The following MGAT4C variants were observed in gnomAD, a reference collection of about 807,000 sequenced individuals.
The protein encoded by MGAT4C is alpha-1,3-mannosyl-glycoprotein 4-beta-N-acetylglucosaminyltransferase C.
In MGAT4C, 19 loss-of-function variants were observed where a neutral mutation model predicts 40.1. That is an observed-to-expected ratio of 0.47 (90% CI 0.33 to 0.70). MGAT4C has a LOEUF of 0.70. Among genes scored for constraint, MGAT4C ranks in the 30% least tolerant of loss-of-function variants. The pLI, the probability that MGAT4C is intolerant of heterozygous loss-of-function variation, is 0.02. For missense variants in MGAT4C, 491 were observed against 563.2 expected, an observed-to-expected ratio of 0.87 and a Z score of 1.30; for synonymous variants, 181 against 187.1, an observed-to-expected ratio of 0.97 and a Z score of 0.27.
intron 2 of MGAT4C, among the ~76,000 whole-genome samples, chr12:86,674,711 A>G (rs1203640968): frequency 6.6e-6 from 1 of 152,144 alleles, no homozygotes; most frequent in East Asian, 1.9e-4. Context: ...AAATAAAAAT[A>G]ATAATAATTT....
At chr12:86,510,933 G>A (rs1370322011) in intron 2 of MGAT4C, among the ~76,000 whole-genome samples, 1 of 151,544 alleles carries the variant, frequency 6.6e-6, no homozygotes, top group Non-Finnish European at 1.5e-5. Context: ...ACAGATCAAC[G>A]AGACAGAAAG....
intron 1 of MGAT4C, among the ~76,000 whole-genome samples, chr12:86,252,082 A>G (rs1391020374): frequency 6.6e-6 from 1 of 152,078 alleles, no homozygotes. Flanking sequence ...GAATGTGAAC[A>G]AGCTTCTCTG....
At chr12:86,616,703 CTT>C (rs373091551) in intron 2 of MGAT4C, among the ~76,000 whole-genome samples, 3 of 144,868 alleles carry the variant, frequency 2.1e-5, no homozygotes, top group Non-Finnish European at 1.5e-5. Context: ...AACAGGGTTT[CTT>C]TTTTTTTTTT....
chr12:86,713,124 C>T lies in MGAT4C; in HGVS notation c.-229+14085G>A, dbSNP rs1393562460. Among the ~76,000 whole-genome samples, 5 of 151,678 alleles carry T rather than the reference C, an allele frequency of 3.3e-5. No homozygotes were observed. The South Asian group carries it at 6.2e-4, about 19-fold the overall frequency. On this transcript the variant is annotated intron_variant, in intron 2 of 7. Transcript: ENST00000548651. The stretch of plus-strand genomic sequence containing the variant: ...CATACACACACACACACACACCATG[C>T]TATTTATACAATTACATTAAGGGAT...
intron 2 of MGAT4C, among the ~76,000 whole-genome samples, chr12:86,040,519 C>G (rs1435372037): frequency 6.6e-6 from 1 of 152,190 alleles, no homozygotes; most frequent in African/African-American, 2.4e-5. Context: ...TTCCCCATGG[C>G]TCTGTTTGCA....
chr12:86,145,095 A>G (rs940389975), intron 1 of MGAT4C, among the ~76,000 whole-genome samples: 6 of 152,188 alleles, frequency 3.9e-5, no homozygotes, highest in Admixed American at 6.6e-5. Context: ...CTGTCAGGGT[A>G]TACAACTTTT....
chr12:86,487,043 T>A (rs1958031988), intron 2 of MGAT4C, among the ~76,000 whole-genome samples: 1 of 152,200 alleles, frequency 6.6e-6, no homozygotes, highest in African/African-American at 2.4e-5. Context: ...GAAGTTCCAA[T>A]CGTTTTAATT....
intron 1 of MGAT4C, among the ~76,000 whole-genome samples, chr12:86,829,588 A>T (rs1012304335): frequency 4.0e-5 from 6 of 151,596 alleles, no homozygotes; most frequent in African/African-American, 9.7e-5. Context: ...CAAACAAAAA[A>T]AATCAAGTGT....
intron 4 of MGAT4C, among the ~76,000 whole-genome samples, chr12:86,292,838 G>GTT (rs78014269): frequency 2.1e-5 from 3 of 139,800 alleles, no homozygotes; most frequent in Non-Finnish European, 4.7e-5. Flanking sequence ...AGAAATGACT[G>GTT]TTTTTTTTTT....
intron 2 of MGAT4C, among the ~76,000 whole-genome samples, chr12:86,504,200 T>G (rs538756360): frequency 1.3e-4 from 20 of 152,174 alleles, no homozygotes; most frequent in African/African-American, 4.6e-4. Context: ...AATTTTCAGT[T>G]TCATATATTA....
At chr12:86,159,724 T>C (rs1258258381) in intron 1 of MGAT4C, among the ~76,000 whole-genome samples, 2 of 152,108 alleles carry the variant, frequency 1.3e-5, no homozygotes, top group Non-Finnish European at 2.9e-5. Context: ...ACTGGTCTAT[T>C]CAGGGTTTCA....
At chr12:86,749,404 C>T (rs939939361) in intron 1 of MGAT4C, among the ~76,000 whole-genome samples, 3 of 151,400 alleles carry the variant, frequency 2.0e-5, no homozygotes, top group Admixed American at 2.0e-4. Context: ...TAATGTAAAC[C>T]CTATACCTTC....
intron 4 of MGAT4C, among the ~76,000 whole-genome samples, chr12:86,305,443 GAAA>G (rs5799778): frequency 3.7e-5 from 5 of 133,348 alleles, no homozygotes; most frequent in East Asian, 4.4e-4. Context: ...CCGTCTCAAA[GAAA>G]AAAAAAAAAA....
intron 1 of MGAT4C, among the ~76,000 whole-genome samples, chr12:86,254,404 C>G (rs1341237054): frequency 6.6e-6 from 1 of 151,898 alleles, no homozygotes; most frequent in Non-Finnish European, 1.5e-5. Flanking sequence ...AGGAATCATA[C>G]ACAGAAAAAA....
intron 2 of MGAT4C, among the ~76,000 whole-genome samples, chr12:86,669,522 T>A (rs1467342021): frequency 6.6e-6 from 1 of 152,130 alleles, no homozygotes; most frequent in Non-Finnish European, 1.5e-5. Flanking sequence ...CTGTCCCCCA[T>A]CCCCATGCAG....
chr12:86,622,248 A>C (rs376954274), intron 2 of MGAT4C, among the ~76,000 whole-genome samples: 6 of 152,268 alleles, frequency 3.9e-5, no homozygotes, highest in African/African-American at 1.4e-4. Context: ...AGGTTAAGAG[A>C]TCAATGCAGG....
intron 2 of MGAT4C, among the ~76,000 whole-genome samples, chr12:86,610,649 C>G (rs972052746): frequency 6.6e-6 from 1 of 151,060 alleles, no homozygotes; most frequent in African/African-American, 2.4e-5. Flanking sequence ...AGGTTTGTTA[C>G]ATATGTATAC....
At chr12:86,280,910 T>C (rs1208626914) in intron 4 of MGAT4C, among the ~76,000 whole-genome samples, 1 of 152,094 alleles carries the variant, frequency 6.6e-6, no homozygotes, top group African/African-American at 2.4e-5. Context: ...ACAGAGAATA[T>C]AGTTGGTTCC....
In MGAT4C at chr12:86,286,818, T is replaced by C. The variant is rs138097878; in HGVS notation, c.-57+47247A>G. On this transcript the variant is annotated intron_variant, in intron 4 of 7. Transcript: ENST00000548651. ...ATGTACTCAATGCTTAGCTCCAACTTGTAAGTGAGAACATGTGGTATTTGT... is the reference window on the plus strand; with the variant it reads ...ATGTACTCAATGCTTAGCTCCAACTCGTAAGTGAGAACATGTGGTATTTGT... 5.9e-3 allele frequency among the ~76,000 whole-genome samples: 892 copies of C among 151,756 alleles called. 4 individuals are homozygous for C. The highest frequency in any genetic ancestry group is 0.01 in the Middle Eastern group (3 of 294).
Sources: gnomAD v4.1 joint callset for allele counts (sites outside exome capture counted in the v4.1 genomes callset) on GRCh38, gnomAD v4.1.1 for gene constraint, MANE v1.5 for transcripts, NCBI Gene and HGNC (gene_info 2026-07-23, HGNC 2026-07-21) for gene names.